The following RGS7 variants were observed in gnomAD, a reference collection of about 807,000 sequenced individuals.
RGS7 encodes regulator of G-protein signaling 7.
In RGS7, 27 loss-of-function variants were observed where a neutral mutation model predicts 81.1. The ratio of observed to expected loss-of-function variants is 0.33; its 90% CI spans 0.25 to 0.46. The LOEUF is 0.46. Among genes scored for constraint, RGS7 ranks in the 20% least tolerant of loss-of-function variants. The pLI, the probability that RGS7 is intolerant of heterozygous loss-of-function variation, is 1.00. For synonymous variants in RGS7, 208 were observed against 207.7 expected (o/e 1.00, Z -0.01); for missense variants, 396 against 607.4 (o/e 0.65, Z 3.66).
intron 2 of RGS7, among the ~76,000 whole-genome samples, chr1:241,295,177 G>T (rs776406632): frequency 6.6e-6 from 1 of 152,010 alleles, no homozygotes; most frequent in African/African-American, 2.4e-5. Flanking sequence ...GGCCGGGTGC[G>T]GTGGCTCACG....
At chr1:241,291,078 CTT>C (rs775045113) in intron 2 of RGS7, among the ~76,000 whole-genome samples, 30 of 152,160 alleles carry the variant, frequency 2.0e-4, no homozygotes, top group Non-Finnish European at 4.1e-4. Flanking sequence ...AAACAAGACA[CTT>C]TTCTGTCCTT....
intron 3 of RGS7, among the ~76,000 whole-genome samples, chr1:241,065,245 T>C (rs1409939597): frequency 7.0e-6 from 1 of 142,186 alleles, no homozygotes; most frequent in Non-Finnish European, 1.5e-5. Context: ...TATTAAAAGA[T>C]ATATTAAAAG....
rs541070675 is a variant in RGS7 at position 240,987,529 on chromosome 1, C to CT, written c.176-4401dup. Among the ~76,000 whole-genome samples, 345 of 140,822 alleles carry CT rather than the reference C, an allele frequency of 2.4e-3. 1 individual carries two copies. The highest frequency in any genetic ancestry group is 3.4e-3 in the African/African-American group (130 of 38,686). 92.4% of individuals were successfully genotyped at this position (140,822 alleles called of 152,430 possible). ...GATTTTTGATGTTATAACTATTCTT[C>CT]TTTTTTTTTTTTTTTCCTTTGAAGA... On this transcript the variant is annotated intron_variant, in intron 3 of 18. Coordinates refer to ENST00000440928, the MANE Select transcript of RGS7 (RefSeq NM_001364886.1).
In RGS7 at chr1:240,914,915, T is replaced by C. The variant is rs141498713; in HGVS notation, c.385+15802A>G. Among the ~76,000 whole-genome samples the C allele has an allele frequency of 7.2e-5, 11 of 152,218 alleles. No homozygotes were observed. The East Asian group carries it at 2.1e-3, about 29-fold the overall frequency. ...CAGAAACCTTTGGGAAAACCAACAT[T>C]GGGATAGAAAAACTTAAACTGCAAC... On this transcript the variant is annotated intron_variant, in intron 6 of 18. Transcript: ENST00000440928.
At chr1:241,323,291 G>T (rs1340120094) in intron 2 of RGS7, among the ~76,000 whole-genome samples, 2 of 152,200 alleles carry the variant, frequency 1.3e-5, no homozygotes, top group Non-Finnish European at 2.9e-5. Context: ...AATGAATGTT[G>T]TGACAATTTT....
intron 2 of RGS7, among the ~76,000 whole-genome samples, chr1:241,212,021 A>T (rs901786244): frequency 6.6e-5 from 10 of 151,880 alleles, no homozygotes; most frequent in African/African-American, 2.4e-4. Context: ...ATCCATTATT[A>T]CATGTGTATT....
Position 241,144,926 on chromosome 1 carries a change from GGTGTGTGTGTGTGT to G in RGS7, c.79-46178_79-46165del, listed in dbSNP as rs58610723. 0.016 allele frequency among the ~76,000 whole-genome samples: 2,224 copies of G among 141,954 alleles called. 61 individuals carry two copies. Among genetic ancestry groups the G allele is most frequent in the African/African-American group, 0.057 (2,127 of 37,404 alleles). 93.1% of individuals were successfully genotyped at this position (141,954 alleles called of 152,430 possible). On this transcript the variant is annotated intron_variant, in intron 2 of 18. Coordinates refer to ENST00000440928, the MANE Select transcript of RGS7 (RefSeq NM_001364886.1). The surrounding 1 kb of genome is among the most constrained non-coding windows in gnomAD (Gnocchi z 4.7). The stretch of plus-strand genomic sequence containing the variant: ...TCAGTATGTGTTGGCAGGGCAGGAT[GGTGTGTGTGTGTGT>G]GTGTGTGTGTGTGTGTGTGTGTGTT...
intron 18 of RGS7, among the ~76,000 whole-genome samples, chr1:240,793,611 A>ATTTTTTTTT (rs1205854418): frequency 7.6e-5 from 6 of 78,808 alleles, no homozygotes; most frequent in African/African-American, 3.9e-4. Context: ...ATATATATAT[A>ATTTTTTTTT]TTTTTTTTTT....
At chr1:241,093,493 T>C (rs1258205320) in intron 3 of RGS7, among the ~76,000 whole-genome samples, 2 of 152,222 alleles carry the variant, frequency 1.3e-5, no homozygotes, top group Admixed American at 1.3e-4. Flanking sequence ...CAATGTTCAT[T>C]GCATTGAATT....
At chr1:240,852,213 C>G (rs547364529) in intron 9 of RGS7, among the ~76,000 whole-genome samples, 4 of 152,298 alleles carry the variant, frequency 2.6e-5, no homozygotes, top group African/African-American at 9.6e-5. Flanking sequence ...CCAGATCAGT[C>G]AGCAGCTATC....
At chr1:240,985,289 A>G (rs1572126072) in intron 3 of RGS7, among the ~76,000 whole-genome samples, 1 of 152,248 alleles carries the variant, frequency 6.6e-6, no homozygotes, top group African/African-American at 2.4e-5. Context: ...AACATATGTG[A>G]GCAGCCACTG....
intron 2 of RGS7, among the ~76,000 whole-genome samples, chr1:241,213,967 T>C (rs2074401455): frequency 6.6e-6 from 1 of 152,092 alleles, no homozygotes; most frequent in South Asian, 2.1e-4. Flanking sequence ...GGTCTCACTA[T>C]GTTGCTCAGG....
At chr1:241,095,810 C>T (rs2064205233) in intron 3 of RGS7, among the ~76,000 whole-genome samples, 1 of 152,150 alleles carries the variant, frequency 6.6e-6, no homozygotes, top group Non-Finnish European at 1.5e-5. Flanking sequence ...CTATTTGAAG[C>T]TACACAACAT....
At chr1:241,268,695 A>G (rs142279070) in intron 2 of RGS7, among the ~76,000 whole-genome samples, 4 of 152,282 alleles carry the variant, frequency 2.6e-5, no homozygotes, top group African/African-American at 7.2e-5. Context: ...TCTCTGTGGT[A>G]TCTAGAGCCC....
chr1:241,076,773 C>T (rs79721161), intron 3 of RGS7, among the ~76,000 whole-genome samples: 4,285 of 152,294 alleles, frequency 0.028, 206 homozygotes, highest in African/African-American at 0.097. Flanking sequence ...CTTATCAGAT[C>T]ATTTCACATG....
chr1:241,185,724 T>A (rs1275828325), intron 2 of RGS7, among the ~76,000 whole-genome samples: 1 of 152,104 alleles, frequency 6.6e-6, no homozygotes, highest in Non-Finnish European at 1.5e-5. Flanking sequence ...TTTAAAAACA[T>A]GTTTCTAAAT....
intron 3 of RGS7, among the ~76,000 whole-genome samples, chr1:241,072,307 G>T (rs767396741): frequency 1.3e-5 from 2 of 152,226 alleles, no homozygotes; most frequent in South Asian, 4.1e-4. Flanking sequence ...ACTCAATGGC[G>T]TTGGAACCGT....
At chr1:241,300,245 A>C (rs757878264) in intron 2 of RGS7, among the ~76,000 whole-genome samples, 1 of 152,180 alleles carries the variant, frequency 6.6e-6, no homozygotes, top group Admixed American at 6.5e-5. Flanking sequence ...TAAGTGGTAC[A>C]TTTATTACAA....
At chr1:241,182,521 C>A (rs1276234460) in intron 2 of RGS7, among the ~76,000 whole-genome samples, 6 of 152,126 alleles carry the variant, frequency 3.9e-5, no homozygotes, top group Non-Finnish European at 8.8e-5. Context: ...CAGCATAGAG[C>A]TATACTTGCT....
Sources: gnomAD v4.1 joint callset for allele counts (sites outside exome capture counted in the v4.1 genomes callset) on GRCh38, gnomAD v4.1.1 for gene constraint, Gnocchi (gnomAD v3.1) non-coding constraint, MANE v1.5 for transcripts, NCBI Gene and HGNC (gene_info 2026-07-23, HGNC 2026-07-21) for gene names.